The following CDH13 variants were observed in gnomAD, a reference collection of about 807,000 sequenced individuals.
CDH13 encodes the protein cadherin-13.
A neutral mutation model predicts 63.8 loss-of-function variants in CDH13; 24 were observed. That is an observed-to-expected ratio of 0.38 (90% confidence interval 0.27 to 0.53). CDH13 has a LOEUF of 0.53. CDH13 is among the 20% of genes least tolerant of loss of function. The pLI is 0.85. For missense variants in CDH13, 1,049 were observed against 903.1 expected, an observed-to-expected ratio of 1.16 and a Z score of -2.07; for synonymous variants, 503 against 355.3, an observed-to-expected ratio of 1.42 and a Z score of -4.67.
At chr16:83,714,423 A>T (rs78436381) in intron 10 of CDH13, among the ~76,000 whole-genome samples, 1 of 152,200 alleles carries the variant, frequency 6.6e-6, no homozygotes, top group African/African-American at 2.4e-5. Flanking sequence ...ATACCTAGCT[A>T]TGCTGCCCCA....
chr16:83,684,631 G>A (rs1904286059), intron 10 of CDH13, among the ~76,000 whole-genome samples: 2 of 152,144 alleles, frequency 1.3e-5, no homozygotes, highest in Non-Finnish European at 2.9e-5. Context: ...TCTTGCCCAG[G>A]ATCTATAGTA....
chr16:82,874,242 T>C (rs1186612160), intron 2 of CDH13, among the ~76,000 whole-genome samples: 1 of 152,184 alleles, frequency 6.6e-6, no homozygotes, highest in East Asian at 1.9e-4. Flanking sequence ...ATGTTTGGTA[T>C]GCTGAGTCTC....
At chr16:83,772,393 A>C (rs924310378) in intron 11 of CDH13, among the ~76,000 whole-genome samples, 1 of 148,894 alleles carries the variant, frequency 6.7e-6, no homozygotes, top group African/African-American at 2.6e-5. Flanking sequence ...GATAAAAAAT[A>C]AGAATTCTTA....
At chr16:82,650,251 A>G (rs1211099726) in intron 1 of CDH13, among the ~76,000 whole-genome samples, 5 of 152,128 alleles carry the variant, frequency 3.3e-5, no homozygotes, top group Admixed American at 2.6e-4. Context: ...CTCCTTTTTG[A>G]AAAAAGAGTT....
chr16:82,960,174 TGA>T (rs978047009), intron 2 of CDH13, among the ~76,000 whole-genome samples: 2 of 151,576 alleles, frequency 1.3e-5, no homozygotes, highest in Non-Finnish European at 2.9e-5. Context: ...AGGTGAGAGG[TGA>T]GAGAGAGAGT....
At chr16:83,589,192 G>A (rs1488049351) in intron 7 of CDH13, among the ~76,000 whole-genome samples, 2 of 151,818 alleles carry the variant, frequency 1.3e-5, no homozygotes, top group African/African-American at 4.8e-5. Context: ...TCCATCTTAA[G>A]GCCAACAGTG....
chr16:83,643,323 C>A (rs1911486437), intron 8 of CDH13, among the ~76,000 whole-genome samples: 1 of 145,434 alleles, frequency 6.9e-6, no homozygotes, highest in African/African-American at 2.5e-5. Context: ...TTTAACAGAT[C>A]TCTCCACACA....
At chr16:83,192,074 G>C (rs1262320391) in intron 4 of CDH13, among the ~76,000 whole-genome samples, 6 of 152,076 alleles carry the variant, frequency 3.9e-5, no homozygotes, top group Non-Finnish European at 5.9e-5. Context: ...ACGGATACTC[G>C]GTCACTATTT....
chr16:83,201,588 A>C (rs1315959509), intron 4 of CDH13, among the ~76,000 whole-genome samples: 2 of 152,090 alleles, frequency 1.3e-5, no homozygotes, highest in Admixed American at 1.3e-4. Context: ...TTTGGGACCA[A>C]GGCTGAGGAA....
At chr16:83,062,586 A>G (rs943911697) in intron 3 of CDH13, among the ~76,000 whole-genome samples, 2 of 152,196 alleles carry the variant, frequency 1.3e-5, no homozygotes, top group Non-Finnish European at 2.9e-5. Context: ...GAAGCAAGGA[A>G]GTGATCGTCA....
chr16:83,294,295 A>T (rs146054662), intron 5 of CDH13, among the ~76,000 whole-genome samples: 2 of 152,138 alleles, frequency 1.3e-5, no homozygotes, highest in Non-Finnish European at 2.9e-5. Context: ...ATTGTTATTC[A>T]TTGTAGTTGC....
At chr16:83,569,140 C>A (rs8050445) in intron 7 of CDH13, among the ~76,000 whole-genome samples, 103,167 of 151,928 alleles carry the variant, frequency 0.68, 35,675 homozygotes, top group African/African-American at 0.82. Context: ...GAGGACCTTG[C>A]CTGCCCTCTG....
At chr16:83,114,413 G>T (rs2035202569) in intron 3 of CDH13, among the ~76,000 whole-genome samples, 1 of 152,116 alleles carries the variant, frequency 6.6e-6, no homozygotes, top group African/African-American at 2.4e-5. Context: ...TGCTTGATAA[G>T]CACTGAGTGG....
At chr16:83,671,029 G>T in intron 9 of CDH13, 57 bp downstream of exon 9, 1 of 1,418,672 alleles carries the variant, frequency 7.0e-7, no homozygotes, top group Non-Finnish European at 9.6e-7. Flanking sequence ...GGCCCCATGA[G>T]GCAGCTCATA....
chr16:83,344,744 C>A, intron 5 of CDH13, 118 bp from the exon 6 acceptor site: 1 of 1,075,224 alleles, frequency 9.3e-7, no homozygotes, highest in Non-Finnish European at 1.3e-6. Flanking sequence ...ACCAAAATTT[C>A]AATATTGCCA....
At chr16:83,518,710 A>G (rs2074758767) in intron 7 of CDH13, among the ~76,000 whole-genome samples, 3 of 151,170 alleles carry the variant, frequency 2.0e-5, no homozygotes, top group Admixed American at 1.3e-4. Flanking sequence ...TGACCTCGTG[A>G]TCTGCCCGCC....
intron 3 of CDH13, among the ~76,000 whole-genome samples, chr16:83,124,428 A>G (rs1450950918): frequency 6.6e-6 from 1 of 151,976 alleles, no homozygotes; most frequent in Admixed American, 6.6e-5. Flanking sequence ...TACATACTTT[A>G]CAAATATTTT....
chr16:83,650,626 A>C (rs79344018), intron 8 of CDH13, among the ~76,000 whole-genome samples: 2 of 152,166 alleles, frequency 1.3e-5, no homozygotes, highest in African/African-American at 4.8e-5. Context: ...TGCTACCAGC[A>C]TCTAGTAGGT....
intron 3 of CDH13, among the ~76,000 whole-genome samples, chr16:83,036,266 C>T (rs1916847220): frequency 6.6e-6 from 1 of 151,244 alleles, no homozygotes; most frequent in Non-Finnish European, 1.5e-5. Context: ...TCTCCTGCCT[C>T]AGCCTTCTGA....
Sources: gnomAD v4.1 joint callset for allele counts (sites outside exome capture counted in the v4.1 genomes callset) on GRCh38, gnomAD v4.1.1 for gene constraint, MANE v1.5 for transcripts, NCBI Gene and HGNC (gene_info 2026-07-23, HGNC 2026-07-21) for gene names.